PC: variants seen among roughly 807,000 people sequenced by gnomAD.
The protein encoded by PC is pyruvate carboxylase, mitochondrial.
In PC, 46 loss-of-function variants were observed where a neutral mutation model predicts 107.8. The ratio of observed to expected loss-of-function variants is 0.43; its 90% confidence interval spans 0.34 to 0.55. PC has a LOEUF of 0.55. Among genes scored for constraint, PC ranks in the 20% least tolerant of loss-of-function variants. The pLI, the probability that PC is intolerant of heterozygous loss-of-function variation, is 0.04. For synonymous variants in PC, 662 were observed against 684.7 expected (o/e 0.97, Z 0.52); for missense variants, 1,241 against 1,643.1 (o/e 0.76, Z 4.23).
rs45571833 is a variant in PC, at chr11:66,863,716, G to A, written c.1368+58C>T. 2.2e-3 allele frequency: 3,393 copies of A among 1,541,476 alleles called. 63 individuals are homozygous for A. In the African/African-American group the frequency reaches 0.042, roughly 19 times the overall value. ...CAAGGCCCTTGGTGGGGAAGTGAAC[G>A]GTCAGGGGGCCCTCCAAGGGCCGGG... On this transcript the variant is annotated intron_variant, in intron 12 of 22. Transcript: ENST00000393960.
intron 3 of PC, among the ~76,000 whole-genome samples, chr11:66,933,371 G>C (rs1194038302): frequency 1.3e-5 from 2 of 152,088 alleles, no homozygotes; most frequent in African/African-American, 4.8e-5. Flanking sequence ...ATTTTCTCCG[G>C]GTAAGTCTCA....
chr11:66,942,249 A>T (rs1464669185), intron 3 of PC, among the ~76,000 whole-genome samples: 3 of 151,200 alleles, frequency 2.0e-5, no homozygotes, highest in African/African-American at 7.3e-5. Context: ...ATACAAAAAA[A>T]ATTAGCTGGG....
chr11:66,939,340 T>C (rs1450982701), intron 3 of PC, among the ~76,000 whole-genome samples: 2 of 152,072 alleles, frequency 1.3e-5, no homozygotes, highest in African/African-American at 4.8e-5. Context: ...TATGCCATTT[T>C]CTATCAAGCA....
intron 3 of PC, among the ~76,000 whole-genome samples, chr11:66,881,367 A>C (rs933639418): frequency 3.9e-5 from 6 of 152,236 alleles, no homozygotes; most frequent in Admixed American, 3.3e-4. Flanking sequence ...AGCCACAGTG[A>C]AGCCAGTAGT....
chr11:66,880,335 T>C (rs1226273169), intron 3 of PC, among the ~76,000 whole-genome samples: 1 of 152,076 alleles, frequency 6.6e-6, no homozygotes, highest in African/African-American at 2.4e-5. Context: ...CTGGGATGGT[T>C]CAAAGGGAGG....
At chr11:66,887,743 T>C (rs972358728) in intron 3 of PC, among the ~76,000 whole-genome samples, 1 of 152,166 alleles carries the variant, frequency 6.6e-6, no homozygotes, top group African/African-American at 2.4e-5. Context: ...GGAAAGGTCT[T>C]GGAGCGCCTG....
At position 66,870,564 on chromosome 11, in the gene PC, T is replaced by G. The variant is rs1407915015; in HGVS notation, c.752-111A>C. The G allele has an allele frequency of 1.5e-6, 2 of 1,316,632 alleles. No individual in the cohort carries two copies. Among genetic ancestry groups the G allele is most frequent in the Non-Finnish European group, 2.1e-6 (2 of 932,460 alleles). 81.6% of individuals were successfully genotyped at this position (1,316,632 alleles called of 1,614,324 possible). A position where few individuals can be genotyped will look rare whatever the true frequency, so the allele number is the denominator to read the frequency against. Reference sequence around the variant, plus strand: ...GCCAGTCAGTGCCGGCTGCCAGCGGTACAGAGGCTGCCAGGAGAGACACCA... The same window carrying G: ...GCCAGTCAGTGCCGGCTGCCAGCGGGACAGAGGCTGCCAGGAGAGACACCA... On this transcript the variant is annotated intron_variant, in intron 8 of 22. Coordinates refer to ENST00000393960, the MANE Select transcript of PC (RefSeq NM_001040716.2). The surrounding 1 kb of genome is among the most constrained non-coding windows in gnomAD (Gnocchi z 6.1).
intron 3 of PC, among the ~76,000 whole-genome samples, chr11:66,941,076 T>G (rs1591308317): frequency 1.4e-5 from 1 of 72,696 alleles, no homozygotes. Context: ...CAAGACTCCA[T>G]CTAAAAAAAA....
intron 3 of PC, among the ~76,000 whole-genome samples, chr11:66,881,145 AGT>A (rs924587505): frequency 3.3e-5 from 5 of 152,330 alleles, no homozygotes; most frequent in South Asian, 2.1e-4. Context: ...GTAGTGAGTG[AGT>A]GAGAGAAAAG....
chr11:66,903,051 G>A (rs1368068502), intron 3 of PC, among the ~76,000 whole-genome samples: 3 of 152,202 alleles, frequency 2.0e-5, no homozygotes, highest in Non-Finnish European at 1.5e-5. Flanking sequence ...CATTAGCAGG[G>A]GGGTGTTCAT....
intron 16 of PC, among the ~76,000 whole-genome samples, 154 bp downstream of exon 16, chr11:66,851,636 A>G (rs1285207633): frequency 6.6e-6 from 1 of 152,058 alleles, no homozygotes; most frequent in East Asian, 1.9e-4. Context: ...CCAATTTTAC[A>G]CTTCTCGATA....
chr11:66,917,788 A>G (rs1257397351), intron 3 of PC, among the ~76,000 whole-genome samples: 1 of 152,172 alleles, frequency 6.6e-6, no homozygotes, highest in East Asian at 1.9e-4. Context: ...TCTGGCCTGA[A>G]CTTGGGTTAC....
At chr11:66,955,166 A>G (rs1949530377) in intron 1 of PC, among the ~76,000 whole-genome samples, 1 of 151,860 alleles carries the variant, frequency 6.6e-6, no homozygotes, top group Non-Finnish European at 1.5e-5. Flanking sequence ...CACCCAAAAC[A>G]CTCATTAGGC....
Position 66,943,712 on chromosome 11 carries a change from C to T in PC, c.-1+8718G>A, listed in dbSNP as rs186803826. On this transcript the variant is annotated intron_variant, in intron 3 of 22. Transcript: ENST00000393960. ...CGGAGCTTGTGGTGAGCAGAGATCG[C>T]GCCACTGCTCTCCAGCCTGGGCTAT... Among the ~76,000 whole-genome samples, 28 of 128,060 alleles carry T rather than the reference C, an allele frequency of 2.2e-4. 1 individual carries two copies. In the East Asian group the frequency reaches 5.7e-3, roughly 26 times the overall value. The allele number at this position is 128,060 out of a possible 152,430, so 84.0% of individuals were successfully genotyped here.
intron 3 of PC, among the ~76,000 whole-genome samples, chr11:66,935,413 G>A (rs926132110): frequency 1.3e-5 from 2 of 152,174 alleles, no homozygotes; most frequent in Non-Finnish European, 2.9e-5. Flanking sequence ...AACAGCCTTG[G>A]GCAACATGGC....
At chr11:66,920,235 A>G (rs1222501845) in intron 3 of PC, among the ~76,000 whole-genome samples, 1 of 152,150 alleles carries the variant, frequency 6.6e-6, no homozygotes, top group Non-Finnish European at 1.5e-5. Flanking sequence ...CTGGCTCAGA[A>G]GACACCCTGC....
chr11:66,854,220 T>C (rs1945673490), intron 12 of PC, among the ~76,000 whole-genome samples: 1 of 152,236 alleles, frequency 6.6e-6, no homozygotes, highest in Non-Finnish European at 1.5e-5. Context: ...GCCTTCCTCA[T>C]TGTGGCCACC....
At chr11:66,859,383 C>T (rs1946099078) in intron 12 of PC, among the ~76,000 whole-genome samples, 1 of 152,176 alleles carries the variant, frequency 6.6e-6, no homozygotes, top group African/African-American at 2.4e-5. Flanking sequence ...AGCACATGGC[C>T]CGCGCCCGCG....
intron 12 of PC, among the ~76,000 whole-genome samples, chr11:66,855,456 G>A (rs895344853): frequency 1.3e-5 from 2 of 152,108 alleles, no homozygotes; most frequent in South Asian, 2.1e-4. Context: ...GCGGTACCAC[G>A]CCCGGCTAAT....
Sources: allele counts gnomAD v4.1 joint callset (sites outside exome capture counted in the v4.1 genomes callset), GRCh38; gene constraint gnomAD v4.1.1; non-coding constraint Gnocchi (gnomAD v3.1); transcripts MANE v1.5; gene names NCBI Gene and HGNC (gene_info 2026-07-23, HGNC 2026-07-21).